The following AMMECR1 variants were observed in gnomAD, a reference collection of about 807,000 sequenced individuals.
AMMECR1 encodes the protein nuclear protein AMMECR1.
AMMECR1 carries 3 observed loss-of-function variants against 22.5 expected under a neutral mutation model. The observed-to-expected ratio is 0.13, with a 90% CI of 0.06 to 0.35. The LOEUF is 0.35. AMMECR1 is among the 10% of genes least tolerant of loss of function. The pLI is 1.00. For synonymous variants in AMMECR1, 130 were observed against 116.7 expected (o/e 1.11, Z -0.74); for missense variants, 235 against 278.7 (o/e 0.84, Z 1.12).
intron 2 of AMMECR1, among the ~76,000 whole-genome samples, chrX:110,398,297 G>A (rs2068541815): frequency 8.9e-6 from 1 of 112,203 alleles, no homozygotes; most frequent in South Asian, 3.8e-4. Context: ...GTTTGAATGT[G>A]TAGATGAAGG....
At chrX:110,311,522 T>C (rs1302943028) in intron 1 of AMMECR1, among the ~76,000 whole-genome samples, 2 of 111,414 alleles carry the variant, frequency 1.8e-5, no homozygotes, top group Non-Finnish European at 1.9e-5. Flanking sequence ...GGTTTTTTTT[T>C]CCAATGACAT....
intron 2 of AMMECR1, among the ~76,000 whole-genome samples, chrX:110,227,913 T>C (rs960113332): frequency 3.6e-5 from 4 of 112,063 alleles, no homozygotes; most frequent in Non-Finnish European, 7.5e-5. Context: ...TCTTTCAAAC[T>C]TGACAAGCAC....
intron 1 of AMMECR1, among the ~76,000 whole-genome samples, chrX:110,304,173 T>G (rs949824607): frequency 1.8e-5 from 2 of 112,251 alleles, no homozygotes; most frequent in Non-Finnish European, 3.8e-5. Context: ...TTAAGAGTTG[T>G]AGCATTCTTA....
At chrX:110,300,509 G>A (rs2067960521) in intron 1 of AMMECR1, among the ~76,000 whole-genome samples, 1 of 111,756 alleles carries the variant, frequency 8.9e-6, no homozygotes, top group Admixed American at 9.5e-5. Context: ...ATTGTCATTG[G>A]TCCACAATCA....
At chrX:110,232,847 G>A (rs1280832514) in intron 2 of AMMECR1, among the ~76,000 whole-genome samples, 4 of 87,665 alleles carry the variant, frequency 4.6e-5, no homozygotes, top group Non-Finnish European at 8.4e-5. Context: ...CTGAGATCGC[G>A]CCATTGCACT....
intron 2 of AMMECR1, among the ~76,000 whole-genome samples, chrX:110,407,021 T>G: frequency 8.9e-6 from 1 of 111,839 alleles, no homozygotes; most frequent in Non-Finnish European, 1.9e-5. Context: ...TGATTGATTG[T>G]GTTTTCTCCT....
chrX:110,327,704 C>T (rs2068103257), intron 2 of AMMECR1, among the ~76,000 whole-genome samples: 3 of 111,323 alleles, frequency 2.7e-5, no homozygotes, highest in Admixed American at 1.9e-4. Flanking sequence ...ATTTAATTAG[C>T]GATAGTTCCT....
In AMMECR1 at chrX:110,394,396, C is replaced by T. The variant is rs751887789; in HGVS notation, c.-148+32262G>A. Among the ~76,000 whole-genome samples the T allele has an allele frequency of 7.2e-5, 8 of 111,292 alleles. No homozygotes were observed. The East Asian group carries it at 1.7e-3, about 24-fold the overall frequency. ...CCTCCTGAGTAGCTGTGACTACAGA[C>T]GTGTGCCACCATGCCTGGCTAAATT... On this transcript the variant is annotated intron_variant, in intron 2 of 7. Coordinates refer to the AMMECR1 transcript ENST00000372057.
upstream of AMMECR1, among the ~76,000 whole-genome samples, chrX:110,320,761 A>G (rs1023381899): frequency 8.9e-6 from 1 of 112,699 alleles, no homozygotes; most frequent in Non-Finnish European, 1.9e-5. Context: ...TTTCAATTCC[A>G]ATTCCAAACC....
At chrX:110,424,991 T>C (rs1182746155) in intron 2 of AMMECR1, among the ~76,000 whole-genome samples, 2 of 111,804 alleles carry the variant, frequency 1.8e-5, no homozygotes, top group Non-Finnish European at 3.8e-5. Flanking sequence ...CAGCTGAGAC[T>C]CAGAGACATT....
chrX:110,313,332 T>C (rs890842111), intron 1 of AMMECR1, among the ~76,000 whole-genome samples: 2 of 112,557 alleles, frequency 1.8e-5, no homozygotes, highest in Non-Finnish European at 3.8e-5. Context: ...TTCTATGTGC[T>C]ATGGTCTATA....
At chrX:110,319,390 G>T (rs188359261), upstream of AMMECR1, among the ~76,000 whole-genome samples, 64 of 111,516 alleles carry the variant, frequency 5.7e-4, no homozygotes, top group African/African-American at 2.0e-3. Flanking sequence ...AGATAGCTGG[G>T]GGCTGTTCAT....
At chrX:110,338,953 C>T (rs757365376) in intron 2 of AMMECR1, among the ~76,000 whole-genome samples, 1 of 111,653 alleles carries the variant, frequency 9.0e-6, no homozygotes, top group East Asian at 2.8e-4. Context: ...TTAAAAATCC[C>T]TGGAATAAAA....
intron 2 of AMMECR1, among the ~76,000 whole-genome samples, chrX:110,334,127 T>A (rs2068132067): frequency 1.8e-5 from 2 of 111,837 alleles, no homozygotes; most frequent in African/African-American, 3.3e-5. Flanking sequence ...TATTCTTTGA[T>A]ATACAAGAGT....
Position 110,425,600 on chromosome X carries a change from T to C in AMMECR1, c.-148+1058A>G, listed in dbSNP as rs913058911. 4.4e-5 allele frequency among the ~76,000 whole-genome samples: 5 copies of C among 113,198 alleles called. No homozygotes were observed. The East Asian group carries it at 1.4e-3, about 31-fold the overall frequency. On this transcript the variant is annotated intron_variant, in intron 2 of 7. Coordinates refer to the AMMECR1 transcript ENST00000372057. ...CTAACATATACAACAACAATAATAG[T>C]TGCCCTATAGTGAGTACTTACTATG...
chrX:110,343,244 CAT>C (rs1213096193), intron 2 of AMMECR1, among the ~76,000 whole-genome samples: 13 of 111,927 alleles, frequency 1.2e-4, no homozygotes, highest in African/African-American at 2.9e-4. Context: ...ACAAAAACCA[CAT>C]GATTATCTCA....
At chrX:110,228,321 C>T (rs1385369549) in intron 2 of AMMECR1, among the ~76,000 whole-genome samples, 2 of 110,921 alleles carry the variant, frequency 1.8e-5, no homozygotes, top group Non-Finnish European at 3.8e-5. Flanking sequence ...AGAACAAGGC[C>T]CCCTAAAGTC....
chrX:110,276,341 C>T (rs2067826414), intron 1 of AMMECR1, among the ~76,000 whole-genome samples: 2 of 111,418 alleles, frequency 1.8e-5, no homozygotes, highest in African/African-American at 6.5e-5. Context: ...ATTCTATAAC[C>T]ATCATTTCTG....
intron 1 of AMMECR1, among the ~76,000 whole-genome samples, chrX:110,438,009 C>A (rs1046280454): frequency 3.6e-5 from 4 of 111,797 alleles, no homozygotes; most frequent in Non-Finnish European, 5.6e-5. Flanking sequence ...TCCGTAGTCT[C>A]TGCCCCAATA....
Sources: allele counts gnomAD v4.1 joint callset (sites outside exome capture counted in the v4.1 genomes callset), GRCh38; gene constraint gnomAD v4.1.1; transcripts MANE v1.5; gene names NCBI Gene and HGNC (gene_info 2026-07-23, HGNC 2026-07-21).